The following CADPS2 variants were observed in gnomAD, a reference collection of about 807,000 sequenced individuals.
CADPS2 encodes the protein calcium dependent secretion activator 2.
Under a neutral mutation model 172.5 loss-of-function variants are expected in CADPS2, and 93 were observed. That is an observed-to-expected ratio of 0.54 (90% CI 0.46 to 0.64). The LOEUF (loss-of-function observed/expected upper bound fraction) is 0.64, where lower values mean the gene tolerates loss of function less well. Among genes scored for constraint, CADPS2 ranks in the 30% least tolerant of loss-of-function variants. CADPS2 has a pLI of 0.00. For synonymous variants in CADPS2, 546 were observed against 555.2 expected (o/e 0.98, Z 0.23); for missense variants, 1,420 against 1,565.9 (o/e 0.91, Z 1.57).
intron 7 of CADPS2, among the ~76,000 whole-genome samples, chr7:122,579,453 ATATAT>A (rs1203093323): frequency 6.7e-5 from 2 of 29,646 alleles, no homozygotes; most frequent in Non-Finnish European, 1.3e-4. Flanking sequence ...TGCATCGAAT[ATATAT>A]ATATATATAT....
chr7:122,593,290 T>C (rs1186896924), intron 6 of CADPS2, among the ~76,000 whole-genome samples: 1 of 151,992 alleles, frequency 6.6e-6, no homozygotes, highest in Non-Finnish European at 1.5e-5. Flanking sequence ...CTACATAGTT[T>C]CACATAAACA....
chr7:122,722,957 T>C (rs1187037463), intron 2 of CADPS2, among the ~76,000 whole-genome samples: 1 of 151,978 alleles, frequency 6.6e-6, no homozygotes, highest in Non-Finnish European at 1.5e-5. Flanking sequence ...TAAATGGTGT[T>C]GGGAAAACTG....
chr7:122,745,088 T>G (rs2092667830), intron 1 of CADPS2, among the ~76,000 whole-genome samples: 1 of 152,042 alleles, frequency 6.6e-6, no homozygotes, highest in Non-Finnish European at 1.5e-5. Flanking sequence ...CTAAGCTAAT[T>G]AACACACCCA....
intron 5 of CADPS2, among the ~76,000 whole-genome samples, chr7:122,621,041 G>A (rs2075548816): frequency 6.6e-6 from 1 of 151,664 alleles, no homozygotes; most frequent in South Asian, 2.1e-4. Context: ...AAGTAGCTGG[G>A]ACTACACGCT....
chr7:122,654,545 G>A (rs2135097351), intron 3 of CADPS2, among the ~76,000 whole-genome samples: 1 of 152,308 alleles, frequency 6.6e-6, no homozygotes, highest in Non-Finnish European at 1.5e-5. Flanking sequence ...GAACAACAAA[G>A]CCTGGATGAC....
intron 9 of CADPS2, among the ~76,000 whole-genome samples, chr7:122,506,458 A>C (rs2059613291): frequency 6.6e-6 from 1 of 152,180 alleles, no homozygotes; most frequent in Non-Finnish European, 1.5e-5. Context: ...TAGTACCACA[A>C]GGTATCTGCA....
intron 9 of CADPS2, among the ~76,000 whole-genome samples, chr7:122,510,792 C>A (rs1461464232): frequency 6.6e-6 from 1 of 152,140 alleles, no homozygotes; most frequent in East Asian, 1.9e-4. Context: ...TAAAAACTAC[C>A]CAGTTCCTCC....
At chr7:122,864,537 G>C (rs1817805901) in intron 1 of CADPS2, among the ~76,000 whole-genome samples, 1 of 151,960 alleles carries the variant, frequency 6.6e-6, no homozygotes, top group Non-Finnish European at 1.5e-5. Flanking sequence ...GTAGCTCTCA[G>C]GAAAGCTAGA....
chr7:122,425,280 C>T (rs1235393277), intron 17 of CADPS2, among the ~76,000 whole-genome samples: 2 of 151,910 alleles, frequency 1.3e-5, no homozygotes, highest in Non-Finnish European at 2.9e-5. Context: ...CATACTCAGC[C>T]ATACATTTTT....
At chr7:122,783,640 C>G (rs761271660) in intron 1 of CADPS2, among the ~76,000 whole-genome samples, 2 of 152,212 alleles carry the variant, frequency 1.3e-5, no homozygotes, top group Admixed American at 6.5e-5. Context: ...GTTGCTACCA[C>G]GGCCCCAATC....
Position 122,790,063 on chromosome 7 carries a change from G to T in CADPS2, c.340-52995C>A, listed in dbSNP as rs1794946354. Among the ~76,000 whole-genome samples the T allele has an allele frequency of 2.2e-5, 3 of 134,490 alleles. No individual in the cohort carries two copies. The South Asian group carries it at 7.0e-4, about 31-fold the overall frequency. 88.2% of individuals were successfully genotyped at this position (134,490 alleles called of 152,430 possible). On this transcript the variant is annotated intron_variant, in intron 1 of 29. Transcript: ENST00000449022. ...TTTTTTTTTGAAAAGAGAAACAGAG[G>T]TCTTTGTATCAAAGTTTGCAAAGAT... is the stretch of plus-strand genomic sequence containing the variant.
At chr7:122,681,745 TAAAA>T (rs2083071264) in intron 2 of CADPS2, 5 of 524,886 alleles carry the variant, frequency 9.5e-6, no homozygotes, top group African/African-American at 2.1e-5. Context: ...ATAATAATAA[TAAAA>T]GAAAGAAAAA....
chr7:122,883,169 C>T (rs1823398626), intron 1 of CADPS2, among the ~76,000 whole-genome samples: 1 of 152,106 alleles, frequency 6.6e-6, no homozygotes, highest in Non-Finnish European at 1.5e-5. Context: ...CTTTGTGGAC[C>T]ATTTTAGCCA....
chr7:122,495,052 C>A (rs2058627469), intron 9 of CADPS2, among the ~76,000 whole-genome samples: 1 of 152,036 alleles, frequency 6.6e-6, no homozygotes, highest in Non-Finnish European at 1.5e-5. Context: ...AGTCCTTTCT[C>A]TTACTCTAGA....
chr7:122,815,757 T>C lies in CADPS2; in HGVS notation c.339+70242A>G, dbSNP rs141481942. 5.9e-3 allele frequency among the ~76,000 whole-genome samples: 897 copies of C among 152,286 alleles called. 8 individuals carry two copies. The highest frequency in any genetic ancestry group is 0.021 in the African/African-American group (861 of 41,550). ...AACTAGCAGTCACTGATAGAAGAAGTTGTTTCCATTTTACTGTCAGAAAGC... is the reference window on the plus strand; with the variant it reads ...AACTAGCAGTCACTGATAGAAGAAGCTGTTTCCATTTTACTGTCAGAAAGC... On this transcript the variant is annotated intron_variant, in intron 1 of 29. Transcript: ENST00000449022.
intron 1 of CADPS2, among the ~76,000 whole-genome samples, chr7:122,877,159 C>T (rs758899443): frequency 1.3e-5 from 2 of 151,948 alleles, no homozygotes; most frequent in Non-Finnish European, 2.9e-5. Context: ...ATCAGTAAAA[C>T]AAAACTAGGC....
At chr7:122,781,498 A>G (rs185323599) in intron 1 of CADPS2, among the ~76,000 whole-genome samples, 1 of 152,270 alleles carries the variant, frequency 6.6e-6, no homozygotes, top group East Asian at 1.9e-4. Flanking sequence ...ATTGTAATAC[A>G]TAAGAGATTT....
chr7:122,446,162 A>G (rs1369287542), intron 15 of CADPS2, among the ~76,000 whole-genome samples: 1 of 152,104 alleles, frequency 6.6e-6, no homozygotes, highest in Non-Finnish European at 1.5e-5. Context: ...AGTCCTTCTA[A>G]TACATTTGGT....
rs552300835 is a variant in CADPS2, at chr7:122,415,854, T to C, written c.2580+207A>G. On this transcript the variant is annotated intron_variant, in intron 18 of 29. Transcript: ENST00000449022. Reference sequence around the variant, plus strand: ...ATTGCTTTGTAATATATAGGAGTTATGTTTTTAGAAAATTCACATATGTTC... The same window carrying C: ...ATTGCTTTGTAATATATAGGAGTTACGTTTTTAGAAAATTCACATATGTTC... Among the ~76,000 whole-genome samples the C allele has an allele frequency of 1.1e-3, 165 of 152,322 alleles. 7 individuals are homozygous for C. In the South Asian group the frequency reaches 0.033, roughly 30 times the overall value.
Sources: gnomAD v4.1 joint callset for allele counts (sites outside exome capture counted in the v4.1 genomes callset) on GRCh38, gnomAD v4.1.1 for gene constraint, MANE v1.5 for transcripts, NCBI Gene and HGNC (gene_info 2026-07-23, HGNC 2026-07-21) for gene names.